The following DAB1 variants were observed in gnomAD, a reference collection of about 807,000 sequenced individuals.
DAB1 encodes disabled homolog 1.
In DAB1, 15 loss-of-function variants were observed where a neutral mutation model predicts 64.6. The observed-to-expected ratio is 0.23, with a 90% CI of 0.16 to 0.36. DAB1 has a LOEUF of 0.36. DAB1 is among the 10% of genes least tolerant of loss of function. DAB1 has a pLI of 1.00. For missense variants in DAB1, 596 were observed against 706.7 expected (o/e 0.84, Z 1.78); for synonymous variants, 235 against 251.9 (o/e 0.93, Z 0.64).
intron 5 of DAB1, among the ~76,000 whole-genome samples, chr1:58,097,616 T>C (rs1048264002): frequency 1.3e-5 from 2 of 151,040 alleles, no homozygotes; most frequent in Non-Finnish European, 3.0e-5. Context: ...GTCTCCCAGA[T>C]AGAAAAAAAG....
rs183889967 is a variant in DAB1 at position 57,657,864 on chromosome 1, C to T, written n.552-8199G>A. 5.8e-4 allele frequency among the ~76,000 whole-genome samples: 88 copies of T among 152,314 alleles called. 1 individual carries two copies. The highest frequency in any genetic ancestry group is 8.7e-4 in the Non-Finnish European group (59 of 68,036). On this transcript the variant is annotated intron_variant and non_coding_transcript_variant, in intron 6 of 20. Transcript: ENST00000485760. ...AAAAGTTGTCTCTGGTTGGGTTCTG[C>T]TGATTACATCAAAGACAGCAGATGA...
At chr1:57,902,770 T>G (rs1644494886) in intron 5 of DAB1, among the ~76,000 whole-genome samples, 3 of 152,192 alleles carry the variant, frequency 2.0e-5, no homozygotes, top group Non-Finnish European at 4.4e-5. Context: ...TTTCCCTGTG[T>G]AATCCATCAG....
chr1:57,393,745 A>G (rs188265776), intron 1 of DAB1, among the ~76,000 whole-genome samples: 42 of 152,290 alleles, frequency 2.8e-4, no homozygotes, highest in African/African-American at 9.4e-4. Context: ...CTGTTTTTCT[A>G]GGTAAAGTTT....
chr1:58,447,416 C>T (rs1262508179), intron 3 of DAB1, among the ~76,000 whole-genome samples: 1 of 152,078 alleles, frequency 6.6e-6, no homozygotes, highest in Admixed American at 6.5e-5. Context: ...GATAAACTTT[C>T]CTGCTATGTA....
At chr1:58,531,866 G>A (rs12077766) in intron 1 of DAB1, among the ~76,000 whole-genome samples, 22,958 of 151,802 alleles carry the variant, frequency 0.15, 1,818 homozygotes, top group Middle Eastern at 0.23. Context: ...CCACCACCAT[G>A]CTCAGCTATT....
chr1:57,935,004 T>C (rs375852551), intron 5 of DAB1, among the ~76,000 whole-genome samples: 3 of 152,296 alleles, frequency 2.0e-5, no homozygotes, highest in African/African-American at 7.2e-5. Context: ...ACTTAGCAAC[T>C]TCTAAGACTC....
chr1:57,271,611 T>A (rs982487554), intron 2 of DAB1, among the ~76,000 whole-genome samples: 2 of 152,118 alleles, frequency 1.3e-5, no homozygotes, highest in Admixed American at 6.5e-5. Context: ...GAGACAGACA[T>A]AGGGATGAGG....
At chr1:57,483,471 A>C (rs556997771) in intron 7 of DAB1, among the ~76,000 whole-genome samples, 2 of 152,134 alleles carry the variant, frequency 1.3e-5, no homozygotes, top group East Asian at 3.9e-4. Context: ...CATGATTGTG[A>C]GGCCTCCCCA....
intron 1 of DAB1, among the ~76,000 whole-genome samples, chr1:57,296,756 T>C (rs1673226727): frequency 6.6e-6 from 1 of 152,182 alleles, no homozygotes; most frequent in South Asian, 2.1e-4. Flanking sequence ...GTCTTGCTTA[T>C]AGCAGAACAG....
At chr1:57,691,013 T>C (rs1352991301) in intron 6 of DAB1, among the ~76,000 whole-genome samples, 1 of 152,178 alleles carries the variant, frequency 6.6e-6, no homozygotes, top group East Asian at 1.9e-4. Context: ...TCCTATACAG[T>C]TGTTTGAGTT....
intron 7 of DAB1, among the ~76,000 whole-genome samples, chr1:57,542,580 G>A (rs774962952): frequency 2.6e-5 from 4 of 151,680 alleles, no homozygotes; most frequent in Non-Finnish European, 5.9e-5. Flanking sequence ...GGAGAGGCTG[G>A]AAAACTACAT....
intron 2 of DAB1, among the ~76,000 whole-genome samples, chr1:58,521,949 A>C (rs1370463112): frequency 6.6e-6 from 1 of 152,216 alleles, no homozygotes; most frequent in African/African-American, 2.4e-5. Context: ...CTGACAGGAC[A>C]TTACAAGAAA....
At chr1:58,027,073 G>A (rs552257039) in intron 5 of DAB1, among the ~76,000 whole-genome samples, 36 of 152,216 alleles carry the variant, frequency 2.4e-4, no homozygotes, top group Non-Finnish European at 4.7e-4. Context: ...ACTGCCCTGT[G>A]ACAAGGCTCA....
chr1:58,296,400 T>C (rs1173371873), intron 4 of DAB1, among the ~76,000 whole-genome samples: 4 of 151,918 alleles, frequency 2.6e-5, no homozygotes, highest in Non-Finnish European at 5.9e-5. Context: ...GCAAAGGCTA[T>C]GCGCAGAAAC....
At chr1:58,315,010 C>T (rs1662518987) in intron 4 of DAB1, among the ~76,000 whole-genome samples, 1 of 152,212 alleles carries the variant, frequency 6.6e-6, no homozygotes, top group African/African-American at 2.4e-5. Flanking sequence ...AATCCAAGCC[C>T]ATGCTCTAAA....
chr1:58,057,245 T>G (rs1648181053), intron 5 of DAB1, among the ~76,000 whole-genome samples: 1 of 152,174 alleles, frequency 6.6e-6, no homozygotes, highest in Non-Finnish European at 1.5e-5. Flanking sequence ...GATTCCTGTC[T>G]TCTTTTCACC....
At chr1:58,046,845 C>T (rs997254417) in intron 5 of DAB1, among the ~76,000 whole-genome samples, 4 of 152,168 alleles carry the variant, frequency 2.6e-5, no homozygotes, top group African/African-American at 9.7e-5. Flanking sequence ...CTCAGAGGTA[C>T]ACTCTTTAAG....
intron 7 of DAB1, among the ~76,000 whole-genome samples, chr1:57,469,148 G>A (rs1366320612): frequency 6.6e-6 from 1 of 152,202 alleles, no homozygotes; most frequent in Non-Finnish European, 1.5e-5. Context: ...AAATAAACCT[G>A]GGGCTGAAGC....
intron 7 of DAB1, among the ~76,000 whole-genome samples, chr1:57,456,758 G>T (rs960616394): frequency 1.3e-5 from 2 of 152,032 alleles, no homozygotes; most frequent in Non-Finnish European, 2.9e-5. Context: ...TCTAAGAAAG[G>T]CATGATTCTA....
Sources: allele counts gnomAD v4.1 joint callset (sites outside exome capture counted in the v4.1 genomes callset), GRCh38; gene constraint gnomAD v4.1.1; transcripts MANE v1.5; gene names NCBI Gene and HGNC (gene_info 2026-07-23, HGNC 2026-07-21).